Variants in UGT1A7 observed in about 807,000 individuals in gnomAD.
UGT1A7 encodes the protein UDP glucuronosyltransferase family 1 member A7.
UGT1A7 carries 33 observed loss-of-function variants against 45.6 expected under a neutral mutation model. That is an observed-to-expected ratio of 0.72 (90% CI 0.55 to 0.97). The LOEUF is 0.97. Ranked by LOEUF, UGT1A7 falls within the 50% of genes least tolerant of loss-of-function variation. The pLI, the probability that UGT1A7 is intolerant of heterozygous loss-of-function variation, is 0.00. For synonymous variants in UGT1A7, 274 were observed against 250.6 expected, an observed-to-expected ratio of 1.09 and a Z score of -0.88; for missense variants, 684 against 666.2, an observed-to-expected ratio of 1.03 and a Z score of -0.29.
At chr2:233,687,583 TAAAAAAAAAAAAAA>T (rs71398794) in intron 1 of UGT1A7, among the ~76,000 whole-genome samples, 2,994 of 107,480 alleles carry the variant, frequency 0.028, 123 homozygotes, top group African/African-American at 0.095. Flanking sequence ...ACATTCTTTG[TAAAAAAAAAAAAAA>T]AAAAAAAAAA....
chr2:233,740,602 C>T (rs1333865723), intron 1 of UGT1A7: 1 of 151,786 alleles, frequency 6.6e-6, no homozygotes, highest in Non-Finnish European at 1.5e-5. Context: ...TTACAGGTCT[C>T]CAGGTCTCTT....
At chr2:233,707,076 G>A (rs2075939345) in intron 1 of UGT1A7, among the ~76,000 whole-genome samples, 1 of 152,120 alleles carries the variant, frequency 6.6e-6, no homozygotes, top group African/African-American at 2.4e-5. Context: ...ATCTGCATGT[G>A]CTCCACTTTG....
intron 1 of UGT1A7, chr2:233,754,615 C>G (rs1360410521): frequency 2.3e-6 from 1 of 438,040 alleles, no homozygotes; most frequent in Non-Finnish European, 4.6e-6. Context: ...TCTCCATCTT[C>G]CTCCACTTCC....
chr2:233,724,357 C>G (rs1187389478), intron 1 of UGT1A7, among the ~76,000 whole-genome samples: 134 of 144,268 alleles, frequency 9.3e-4, no homozygotes, highest in African/African-American at 3.3e-3. Context: ...CCACCTCCCT[C>G]CCGGACGGGG....
intron 1 of UGT1A7, among the ~76,000 whole-genome samples, chr2:233,766,604 C>T (rs1699199811): frequency 6.6e-6 from 1 of 152,174 alleles, no homozygotes; most frequent in Non-Finnish European, 1.5e-5. Flanking sequence ...AGGGACCACA[C>T]CCTCTTCTAC....
chr2:233,735,465 A>C (rs1036180168), intron 1 of UGT1A7, among the ~76,000 whole-genome samples: 1 of 151,962 alleles, frequency 6.6e-6, no homozygotes, highest in Admixed American at 6.6e-5. Context: ...TCTTTATCCA[A>C]TTTGCCAGTC....
chr2:233,758,878 C>A (rs1575761639), intron 1 of UGT1A7, among the ~76,000 whole-genome samples: 1 of 152,186 alleles, frequency 6.6e-6, no homozygotes, highest in East Asian at 1.9e-4. Context: ...CCCCATAGTC[C>A]ATGGTCAATA....
intron 1 of UGT1A7, among the ~76,000 whole-genome samples, chr2:233,712,135 C>T (rs953874748): frequency 2.6e-5 from 4 of 152,214 alleles, no homozygotes; most frequent in South Asian, 2.1e-4. Flanking sequence ...CTGGAGCCTT[C>T]AGCATTCAGA....
chr2:233,760,847 C>A, intron 1 of UGT1A7: 1 of 1,614,018 alleles, frequency 6.2e-7, no homozygotes, highest in South Asian at 1.1e-5. Flanking sequence ...ACCCAGTGCC[C>A]CAACCCATTC....
At chr2:233,706,737 A>G (rs2075921386) in intron 1 of UGT1A7, among the ~76,000 whole-genome samples, 1 of 152,172 alleles carries the variant, frequency 6.6e-6, no homozygotes, top group Non-Finnish European at 1.5e-5. Context: ...GTTGACAGTG[A>G]CTGTGAAGCA....
chr2:233,772,733 G>A lies in UGT1A7; in HGVS notation c.*174G>A, dbSNP rs1019873826. 7 of 1,442,156 alleles carry A rather than the reference G, an allele frequency of 4.9e-6. No homozygotes were observed. Among genetic ancestry groups the A allele is most frequent in the Non-Finnish European group, 6.4e-6 (7 of 1,099,298 alleles). The allele number at this position is 1,442,156 out of a possible 1,614,324, so 89.3% of individuals were successfully genotyped here. A position where few individuals can be genotyped will look rare whatever the true frequency, so the allele number is the denominator to read the frequency against. ...TTAAATAAAAATAATAGACTCGCTA[G>A]TCAGTAAAGATATTTGAATATGTAT... On this transcript the variant is annotated 3_prime_UTR_variant, in exon 5 of 5. Coordinates refer to ENST00000373426, the MANE Select transcript of UGT1A7 (RefSeq NM_019077.3).
rs905208353 is a variant in UGT1A7 at position 233,747,345 on chromosome 2, C to T, written c.856-19689C>T. On this transcript the variant is annotated intron_variant, in intron 1 of 4. Coordinates refer to ENST00000373426, the MANE Select transcript of UGT1A7 (RefSeq NM_019077.3). ...TTGATGGCAGCCACTGGCTCGCATG[C>T]GGGAGGCCGTGCGGGAGCTCCATGC... is the stretch of plus-strand genomic sequence containing the variant. 3.8e-5 allele frequency: 61 copies of T among 1,602,546 alleles called. No individual in the cohort carries two copies. In the East Asian group the frequency reaches 5.4e-4, roughly 14 times the overall value.
rs553866736 is a variant in UGT1A7 at position 233,748,743 on chromosome 2, G to A, written c.856-18291G>A. 1.8e-4 allele frequency among the ~76,000 whole-genome samples: 28 copies of A among 151,644 alleles called. No individual in the cohort carries two copies. The South Asian group carries it at 2.7e-3, about 15-fold the overall frequency. The stretch of plus-strand genomic sequence containing the variant: ...ATGATGTGGGGACATCTCAGAGTTC[G>A]GAAGGCATAGTTTTGGTTGCAGGTC... On this transcript the variant is annotated intron_variant, in intron 1 of 4. Transcript: ENST00000373426.
At position 233,717,136 on chromosome 2, in the gene UGT1A7, T is replaced by A. The variant is rs565667210; in HGVS notation, c.855+34344T>A. Among the ~76,000 whole-genome samples, 275 of 152,170 alleles carry A rather than the reference T, an allele frequency of 1.8e-3. 2 individuals are homozygous for A. The highest frequency in any genetic ancestry group is 1.2e-3 in the Non-Finnish European group (83 of 68,008). On this transcript the variant is annotated intron_variant, in intron 1 of 4. Coordinates refer to ENST00000373426, the MANE Select transcript of UGT1A7 (RefSeq NM_019077.3). Reference sequence around the variant, plus strand: ...CCACTACATGGAAATAGAACACCACTACATGGAAATAGAACATGGGAGCCC... The same window carrying A: ...CCACTACATGGAAATAGAACACCACAACATGGAAATAGAACATGGGAGCCC...
chr2:233,744,393 C>T (rs17864702), intron 1 of UGT1A7, among the ~76,000 whole-genome samples: 2,182 of 151,914 alleles, frequency 0.014, 41 homozygotes, highest in South Asian at 0.024. Context: ...GTTCCAGCCC[C>T]GGTGCCCATT....
intron 1 of UGT1A7, chr2:233,747,693 C>T: frequency 6.2e-7 from 1 of 1,611,232 alleles, no homozygotes; most frequent in South Asian, 1.1e-5. Flanking sequence ...TGGGGCAGTG[C>T]TGGCTAAGTA....
At chr2:233,750,039 G>A (rs1434781604) in intron 1 of UGT1A7, among the ~76,000 whole-genome samples, 1 of 151,888 alleles carries the variant, frequency 6.6e-6, no homozygotes, top group East Asian at 1.9e-4. Flanking sequence ...AAAGATACTT[G>A]AAAATGTGGA....
At chr2:233,729,097 G>A in intron 1 of UGT1A7, 5 of 1,612,664 alleles carry the variant, frequency 3.1e-6, no homozygotes, top group Non-Finnish European at 4.2e-6. Flanking sequence ...GCGTGGGGTG[G>A]ACAGTCAGCT....
chr2:233,688,273 T>C (rs192394276), intron 1 of UGT1A7, among the ~76,000 whole-genome samples: 3 of 152,394 alleles, frequency 2.0e-5, no homozygotes, highest in Non-Finnish European at 4.4e-5. Flanking sequence ...GAATATTCCA[T>C]TGTATGGATT....
Sources: allele counts gnomAD v4.1 joint callset (sites outside exome capture counted in the v4.1 genomes callset), GRCh38; gene constraint gnomAD v4.1.1; transcripts MANE v1.5; gene names NCBI Gene and HGNC (gene_info 2026-07-23, HGNC 2026-07-21).